MME: variants seen among roughly 807,000 people sequenced by gnomAD.
MME encodes membrane metalloendopeptidase.
A neutral mutation model predicts 113.2 loss-of-function variants in MME; 98 were observed. That is an observed-to-expected ratio of 0.87 (90% CI 0.74 to 1.02). MME has a LOEUF of 1.02. Among genes scored for constraint, MME ranks in the 50% least tolerant of loss-of-function variants. MME has a pLI of 0.00. For missense variants in MME, 836 were observed against 896.0 expected, an observed-to-expected ratio of 0.93 and a Z score of 0.86; for synonymous variants, 292 against 300.6, an observed-to-expected ratio of 0.97 and a Z score of 0.30.
At chr3:155,072,286 C>T (rs1714600376) in intron 1 of MME, among the ~76,000 whole-genome samples, 1 of 151,796 alleles carries the variant, frequency 6.6e-6, no homozygotes, top group African/African-American at 2.4e-5. Flanking sequence ...TTATAACGGA[C>T]ACTCCGACTT....
chr3:155,129,120 CT>C (rs915955611), intron 8 of MME, among the ~76,000 whole-genome samples: 2 of 152,096 alleles, frequency 1.3e-5, no homozygotes, highest in East Asian at 1.9e-4. Flanking sequence ...GGGTCACCAA[CT>C]TTTTTTGTCA....
At chr3:155,140,133 T>G (rs1720946347) in intron 9 of MME, 58 bp from the exon 10 acceptor site, 1 of 1,206,202 alleles carries the variant, frequency 8.3e-7, no homozygotes. Flanking sequence ...TCATATGTAG[T>G]TATATTTTTC....
At chr3:155,163,189 A>C (rs998905221) in intron 17 of MME, among the ~76,000 whole-genome samples, 1 of 152,112 alleles carries the variant, frequency 6.6e-6, no homozygotes, top group African/African-American at 2.4e-5. Flanking sequence ...CCCTCCCTCC[A>C]TACACACACA....
intron 16 of MME, among the ~76,000 whole-genome samples, chr3:155,152,093 C>T (rs979983948): frequency 3.9e-5 from 6 of 152,136 alleles, no homozygotes; most frequent in African/African-American, 1.4e-4. Flanking sequence ...ATACCCCACA[C>T]TAGCACTCCA....
At chr3:155,042,900 T>TTATATATATATATATATATATA (rs1159626877) in intron 1 of MME, among the ~76,000 whole-genome samples, 15 of 62,950 alleles carry the variant, frequency 2.4e-4, no homozygotes, top group Non-Finnish European at 4.3e-4. Flanking sequence ...ATAGTAGGTT[T>TTATATATATATATATATATATA]TATATATATA....
chr3:155,150,196 G>T (rs1294257630), intron 16 of MME, among the ~76,000 whole-genome samples: 1 of 152,112 alleles, frequency 6.6e-6, no homozygotes, highest in African/African-American at 2.4e-5. Flanking sequence ...GTACCCATAG[G>T]ACATCAGGAA....
At chr3:155,152,151 A>G (rs1721981587) in intron 16 of MME, among the ~76,000 whole-genome samples, 1 of 152,110 alleles carries the variant, frequency 6.6e-6, no homozygotes, top group Non-Finnish European at 1.5e-5. Context: ...CAAAGCTCCA[A>G]CCATATGAAT....
At chr3:155,084,091 T>G in intron 1 of MME, 67 bp from the exon 2 acceptor site, 1 of 1,316,192 alleles carries the variant, frequency 7.6e-7, no homozygotes, top group Non-Finnish European at 1.1e-6. Flanking sequence ...TCCAGCCACA[T>G]TAAGCATTTG....
chr3:155,129,291 C>T (rs1309041423), intron 8 of MME, among the ~76,000 whole-genome samples: 1 of 152,100 alleles, frequency 6.6e-6, no homozygotes, highest in South Asian at 2.1e-4. Context: ...GTACTCTAAT[C>T]GTAGGTCTCC....
chr3:155,142,370 A>T, intron 12 of MME, 40 bp downstream of exon 12: 1 of 1,502,910 alleles, frequency 6.7e-7, no homozygotes, highest in Non-Finnish European at 9.3e-7. Flanking sequence ...CTTAAAGCAT[A>T]AAGTGATACA....
chr3:155,152,333 A>G (rs1180021282), intron 16 of MME, among the ~76,000 whole-genome samples: 1 of 152,100 alleles, frequency 6.6e-6, no homozygotes, highest in African/African-American at 2.4e-5. Context: ...GGGCTGTTCT[A>G]CACTTTGCAC....
At chr3:155,167,864 C>T (rs1221850509) in intron 18 of MME, among the ~76,000 whole-genome samples, 5 of 152,068 alleles carry the variant, frequency 3.3e-5, no homozygotes, top group Admixed American at 6.6e-5. Flanking sequence ...CTGGTAGAAC[C>T]AGAAGGTGAA....
intron 1 of MME, among the ~76,000 whole-genome samples, chr3:155,070,321 G>A (rs568579628): frequency 6.6e-6 from 1 of 152,332 alleles, no homozygotes; most frequent in South Asian, 2.1e-4. Context: ...ACAAGGAGCA[G>A]TTCGTTTCTT....
chr3:155,076,641 G>T (rs1714759119), upstream of MME, among the ~76,000 whole-genome samples: 1 of 152,156 alleles, frequency 6.6e-6, no homozygotes, highest in Non-Finnish European at 1.5e-5. Context: ...ATAAAGAATG[G>T]CTACTCTATA....
chr3:155,143,626 C>G, intron 13 of MME, 55 bp downstream of exon 13: 1 of 1,589,490 alleles, frequency 6.3e-7, no homozygotes, highest in South Asian at 1.1e-5. Context: ...TCAGTTTGTT[C>G]ACACTGATGA....
At chr3:155,126,784 G>A (rs1013178494) in intron 8 of MME, among the ~76,000 whole-genome samples, 1 of 152,016 alleles carries the variant, frequency 6.6e-6, no homozygotes, top group African/African-American at 2.4e-5. Flanking sequence ...TGGATCACCT[G>A]AGGTCGGGAG....
At position 155,115,066 on chromosome 3, in the gene MME, G is replaced by A. The variant is rs375446154; in HGVS notation, c.269G>A (p.Gly90Asp). 5.0e-6 allele frequency: 8 copies of A among 1,614,074 alleles called. No homozygotes were observed. In the South Asian group the frequency reaches 5.5e-5, roughly 11 times the overall value. ...CTDFFKYACG[G>D]WLKRNVIPET... The stretch of plus-strand genomic sequence containing the variant: ...GACTTTTTCAAATATGCTTGCGGAG[G>A]CTGGTTGAAACGTAATGTCATTCCC... Residue 90 changes from glycine to aspartate, a missense_variant, in exon 4 of 23, where the codon GGC becomes GAC. Transcript: ENST00000360490.
chr3:155,031,150 T>A (rs1712956183), intron 1 of MME, among the ~76,000 whole-genome samples: 1 of 152,136 alleles, frequency 6.6e-6, no homozygotes, highest in African/African-American at 2.4e-5. Flanking sequence ...TGTTAACATT[T>A]TACAGACATG....
At chr3:155,141,344 G>C (rs771295086) in intron 10 of MME, among the ~76,000 whole-genome samples, 3 of 152,154 alleles carry the variant, frequency 2.0e-5, no homozygotes, top group Non-Finnish European at 4.4e-5. Context: ...GCTTGTGTCT[G>C]TGTGTGTAAA....
Sources: gnomAD v4.1 joint callset for allele counts (sites outside exome capture counted in the v4.1 genomes callset) on GRCh38, gnomAD v4.1.1 for gene constraint, MANE v1.5 for transcripts, NCBI Gene and HGNC (gene_info 2026-07-23, HGNC 2026-07-21) for gene names.